Variants in FLT1 observed in about 807,000 individuals in gnomAD.
FLT1 encodes fms related receptor tyrosine kinase 1, also known as vascular endothelial growth factor receptor 1.
In FLT1, 49 loss-of-function variants were observed where a neutral mutation model predicts 156.3. The ratio of observed to expected loss-of-function variants is 0.31; its 90% CI spans 0.25 to 0.40. The LOEUF is 0.40. Among genes scored for constraint, FLT1 ranks in the 10% least tolerant of loss-of-function variants. FLT1 has a pLI of 1.00. For synonymous variants in FLT1, 594 were observed against 583.8 expected (o/e 1.02, Z -0.25); for missense variants, 1,322 against 1,637.2 (o/e 0.81, Z 3.32).
intron 1 of FLT1, among the ~76,000 whole-genome samples, chr13:28,485,205 C>A (rs1881082489): frequency 1.3e-5 from 2 of 151,866 alleles, no homozygotes; most frequent in Non-Finnish European, 2.9e-5. Flanking sequence ...CTCCTTTCTC[C>A]CTTCCCCAAA....
At chr13:28,366,411 T>C (rs886533205) in intron 14 of FLT1, among the ~76,000 whole-genome samples, 33 of 152,210 alleles carry the variant, frequency 2.2e-4, no homozygotes, top group African/African-American at 7.7e-4. Flanking sequence ...GTTCCCTTGA[T>C]GCCTGGTTAA....
chr13:28,353,314 T>C lies in FLT1; in HGVS notation c.2248+4240A>G, dbSNP rs146135341. ...TTGGCTGGGCGCGGTGGCTCATGCC[T>C]GTAATCCCAGCACTTTGGGAGGCCG... On this transcript the variant is annotated intron_variant, in intron 15 of 29. Transcript: ENST00000282397. Among the ~76,000 whole-genome samples, 1,240 of 152,294 alleles carry C rather than the reference T, an allele frequency of 8.1e-3. 13 individuals are homozygous for C. The highest frequency in any genetic ancestry group is 0.028 in the African/African-American group (1,165 of 41,558).
intron 11 of FLT1, among the ~76,000 whole-genome samples, chr13:28,399,457 T>G (rs1875290306): frequency 6.6e-6 from 1 of 152,192 alleles, no homozygotes; most frequent in African/African-American, 2.4e-5. Flanking sequence ...TTTAAAAGAT[T>G]TTGATTTCAT....
intron 11 of FLT1, among the ~76,000 whole-genome samples, chr13:28,400,094 A>C (rs770070361): frequency 6.6e-6 from 1 of 152,232 alleles, no homozygotes; most frequent in Non-Finnish European, 1.5e-5. Flanking sequence ...CCTAATCTCT[A>C]CACCAGATTG....
At chr13:28,448,384 G>C (rs932281001) in intron 3 of FLT1, among the ~76,000 whole-genome samples, 2 of 152,338 alleles carry the variant, frequency 1.3e-5, no homozygotes, top group East Asian at 3.9e-4. Flanking sequence ...TTGATGGATA[G>C]CTAAAATGTG....
chr13:28,459,020 A>G (rs1879418904), intron 3 of FLT1, among the ~76,000 whole-genome samples: 1 of 152,242 alleles, frequency 6.6e-6, no homozygotes, highest in South Asian at 2.1e-4. Flanking sequence ...AAATGAAAAA[A>G]TAAATCCAGC....
chr13:28,400,342 T>C (rs1354355618), intron 11 of FLT1, among the ~76,000 whole-genome samples: 1 of 152,182 alleles, frequency 6.6e-6, no homozygotes, highest in Non-Finnish European at 1.5e-5. Flanking sequence ...ATTTGATAAA[T>C]ACAATGGTTA....
At chr13:28,321,244 G>A (rs1403245443) in intron 23 of FLT1, among the ~76,000 whole-genome samples, 1 of 152,220 alleles carries the variant, frequency 6.6e-6, no homozygotes, top group Non-Finnish European at 1.5e-5. Context: ...GGACAGGTGG[G>A]AGGCCAGGCA....
intron 3 of FLT1, among the ~76,000 whole-genome samples, chr13:28,464,118 T>C (rs11841899): frequency 0.093 from 14,169 of 152,184 alleles, 2,233 homozygotes; most frequent in African/African-American, 0.32. Flanking sequence ...GGTCTCATAA[T>C]ATTATCATAA....
chr13:28,330,710 A>G (rs1297347758), intron 18 of FLT1, among the ~76,000 whole-genome samples: 2 of 147,880 alleles, frequency 1.4e-5, no homozygotes, highest in Non-Finnish European at 3.0e-5. Context: ...ATTTCTTTTT[A>G]TTTTTTATTT....
At chr13:28,446,618 A>G (rs1878632931) in intron 3 of FLT1, among the ~76,000 whole-genome samples, 2 of 152,230 alleles carry the variant, frequency 1.3e-5, no homozygotes, top group Admixed American at 6.5e-5. Context: ...TTATACTTTG[A>G]AAACTATAAG....
At chr13:28,374,029 A>C (rs890380874) in intron 14 of FLT1, among the ~76,000 whole-genome samples, 2 of 152,180 alleles carry the variant, frequency 1.3e-5, no homozygotes, top group African/African-American at 4.8e-5. Flanking sequence ...GTTAATTCAT[A>C]GTCAAAAAAG....
At position 28,311,999 on chromosome 13, in the gene FLT1, T is replaced by C. The variant is rs150821981; in HGVS notation, c.3486A>G (p.Val1162=). 1.9e-6 allele frequency: 3 copies of C among 1,606,098 alleles called. No individual in the cohort carries two copies. Among genetic ancestry groups the C allele is most frequent in the Non-Finnish European group, 2.6e-6 (3 of 1,173,354 alleles). Reference sequence around the variant, plus strand: ...TAAATAAATTTAGTTTTACCTGTTGTACATTTGCTTGAAGCAAATCACCTA... The same window carrying C: ...TAAATAAATTTAGTTTTACCTGTTGCACATTTGCTTGAAGCAAATCACCTA... ...EKLGDLLQAN[V]QQDGKDYIPI... is the part of the protein sequence containing the mutation. Residue 1162 remains valine, a synonymous_variant, in exon 26 of 30, where the codon GTA becomes GTG. Transcript: ENST00000282397.
intron 14 of FLT1, among the ~76,000 whole-genome samples, chr13:28,359,500 C>CA (rs1873029392): frequency 6.6e-6 from 1 of 152,138 alleles, no homozygotes; most frequent in South Asian, 2.1e-4. Context: ...GATATGACCC[C>CA]AAAAGCACAG....
intron 3 of FLT1, among the ~76,000 whole-genome samples, chr13:28,446,209 T>C (rs1421486665): frequency 2.6e-5 from 4 of 152,208 alleles, no homozygotes; most frequent in Admixed American, 6.5e-5. Flanking sequence ...TCATATTTAA[T>C]GGTGAAGCAC....
At chr13:28,308,194 C>G (rs927827547) in intron 28 of FLT1, 10 of 157,938 alleles carry the variant, frequency 6.3e-5, no homozygotes, top group South Asian at 1.8e-4. Context: ...GTTCCTAGGT[C>G]GTAGGAACCT....
At position 28,389,781 on chromosome 13, in the gene FLT1, T is replaced by G; in HGVS notation, c.1969+15A>C. The G allele has an allele frequency of 1.2e-6, 2 of 1,614,234 alleles. No individual in the cohort carries two copies. Among genetic ancestry groups the G allele is most frequent in the Admixed American group, 1.7e-5 (1 of 60,022 alleles). On this transcript the variant is annotated intron_variant, in intron 13 of 29. Coordinates refer to ENST00000282397, the MANE Select transcript of FLT1 (RefSeq NM_002019.4). ...GAGATCCGAGAGAAAACAGCCTTTT[T>G]GTTGCAGTGCTCACCTCTGATTGTA...
At position 28,434,042 on chromosome 13, in the gene FLT1, T is replaced by C; in HGVS notation, c.676+16A>G. 6.2e-7 allele frequency: 1 copy of C among 1,614,162 alleles called. No homozygotes were observed. The highest frequency in any genetic ancestry group is 1.3e-5 in the African/African-American group (1 of 75,074). On this transcript the variant is annotated intron_variant, in intron 5 of 29. Transcript: ENST00000282397. Reference sequence around the variant, plus strand: ...AGCACTTCGGCTTATGTTCATGCCTTTGAAGCATCACTTACTTTGTCGATG... The same window carrying C: ...AGCACTTCGGCTTATGTTCATGCCTCTGAAGCATCACTTACTTTGTCGATG...
intron 25 of FLT1, among the ~76,000 whole-genome samples, chr13:28,316,627 C>T (rs957545672): frequency 6.6e-6 from 1 of 151,614 alleles, no homozygotes; most frequent in African/African-American, 2.4e-5. Flanking sequence ...TGGGCCTATT[C>T]CTAAAAGGTT....
Sources: allele counts gnomAD v4.1 joint callset (sites outside exome capture counted in the v4.1 genomes callset), GRCh38; gene constraint gnomAD v4.1.1; transcripts MANE v1.5; gene names NCBI Gene and HGNC (gene_info 2026-07-23, HGNC 2026-07-21).